The following CTNND2 variants were observed in gnomAD, a reference collection of about 807,000 sequenced individuals.
The protein encoded by CTNND2 is catenin delta 2, also known as catenin delta-2.
In CTNND2, 22 loss-of-function variants were observed where a neutral mutation model predicts 144.4. The observed-to-expected ratio is 0.15, with a 90% CI of 0.11 to 0.22. CTNND2 has a LOEUF of 0.22. Among genes scored for constraint, CTNND2 ranks in the 10% least tolerant of loss-of-function variants. The pLI is 1.00. For synonymous variants in CTNND2, 751 were observed against 695.6 expected (o/e 1.08, Z -1.25); for missense variants, 1,353 against 1,618.8 (o/e 0.84, Z 2.82).
At chr5:11,459,816 C>T (rs1766039892) in intron 3 of CTNND2, among the ~76,000 whole-genome samples, 1 of 152,124 alleles carries the variant, frequency 6.6e-6, no homozygotes, top group Non-Finnish European at 1.5e-5. Flanking sequence ...TTTTATGATT[C>T]TATAAGTACA....
intron 2 of CTNND2, among the ~76,000 whole-genome samples, chr5:11,583,138 A>G (rs1778569616): frequency 6.6e-6 from 1 of 152,238 alleles, no homozygotes; most frequent in Non-Finnish European, 1.5e-5. Flanking sequence ...GGATGGGCGT[A>G]GCCTCTATGC....
chr5:11,556,677 C>G (rs1237133994), intron 3 of CTNND2, among the ~76,000 whole-genome samples: 1 of 152,032 alleles, frequency 6.6e-6, no homozygotes, highest in African/African-American at 2.4e-5. Flanking sequence ...AAGAGAATGG[C>G]CTTTGATAGT....
At chr5:11,194,711 C>T (rs1183582782) in intron 11 of CTNND2, among the ~76,000 whole-genome samples, 1 of 151,996 alleles carries the variant, frequency 6.6e-6, no homozygotes, top group Non-Finnish European at 1.5e-5. Context: ...AAAAGAAAAG[C>T]TGACAATGAA....
At chr5:11,809,906 G>A (rs1182855996) in intron 1 of CTNND2, among the ~76,000 whole-genome samples, 1 of 152,146 alleles carries the variant, frequency 6.6e-6, no homozygotes, top group Admixed American at 6.6e-5. Context: ...TGGAAGAGCA[G>A]AACTTAAGAA....
chr5:11,163,236 C>A (rs1580459267), intron 11 of CTNND2, among the ~76,000 whole-genome samples: 1 of 152,312 alleles, frequency 6.6e-6, no homozygotes, highest in East Asian at 1.9e-4. Context: ...TCCAAACCCT[C>A]TCTCAGATTG....
chr5:11,477,381 A>ATTT (rs34661817), intron 3 of CTNND2, among the ~76,000 whole-genome samples: 64 of 146,732 alleles, frequency 4.4e-4, no homozygotes, highest in Admixed American at 2.4e-3. Flanking sequence ...CACATCACCT[A>ATTT]TTTTTTTTTT....
At chr5:11,334,286 T>C (rs969612223) in intron 9 of CTNND2, among the ~76,000 whole-genome samples, 2 of 152,198 alleles carry the variant, frequency 1.3e-5, no homozygotes, top group African/African-American at 2.4e-5. Context: ...GTACTATATA[T>C]GTATAGAAAC....
At position 11,901,530 on chromosome 5, in the gene CTNND2, T is replaced by C. The variant is rs73743318; in HGVS notation, c.37+2287A>G. Among the ~76,000 whole-genome samples, 396 of 152,348 alleles carry C rather than the reference T, an allele frequency of 2.6e-3. 1 individual carries two copies. Among genetic ancestry groups the C allele is most frequent in the African/African-American group, 9.2e-3 (382 of 41,586 alleles). ...GTGAAAGATGTAAAGTGGATAGAAA[T>C]ACTGTAATTTGACAGTGTATGACTT... On this transcript the variant is annotated intron_variant, in intron 1 of 21. Transcript: ENST00000304623.
chr5:11,889,105 T>C lies in CTNND2; in HGVS notation c.37+14712A>G, dbSNP rs542229015. 3.9e-5 allele frequency among the ~76,000 whole-genome samples: 6 copies of C among 152,208 alleles called. No homozygotes were observed. In the South Asian group the frequency reaches 1.2e-3, roughly 32 times the overall value. ...CACGGCATGTACCAACCTTGGTAAA[T>C]AATCAGATGAAGGCCCCTTTTCCTT... On this transcript the variant is annotated intron_variant, in intron 1 of 21. Transcript: ENST00000304623.
intron 16 of CTNND2, among the ~76,000 whole-genome samples, chr5:11,025,481 A>C (rs1476179700): frequency 2.0e-5 from 3 of 152,234 alleles, no homozygotes; most frequent in African/African-American, 7.2e-5. Flanking sequence ...TATGTTTATA[A>C]CAGTAGTTCA....
At chr5:11,507,921 C>G (rs898148027) in intron 3 of CTNND2, among the ~76,000 whole-genome samples, 27 of 151,924 alleles carry the variant, frequency 1.8e-4, no homozygotes, top group Non-Finnish European at 1.5e-4. Context: ...GTTGAATGGG[C>G]TGAACTCCAG....
At chr5:11,083,225 G>A (rs1199802241) in intron 15 of CTNND2, among the ~76,000 whole-genome samples, 1 of 152,208 alleles carries the variant, frequency 6.6e-6, no homozygotes, top group African/African-American at 2.4e-5. Flanking sequence ...TGAAAAAGTA[G>A]AAAATGAGAA....
At chr5:11,694,033 T>C (rs1433879396) in intron 2 of CTNND2, among the ~76,000 whole-genome samples, 1 of 152,212 alleles carries the variant, frequency 6.6e-6, no homozygotes, top group South Asian at 2.1e-4. Flanking sequence ...ATTGAACACA[T>C]ATATTTTCTC....
At position 10,977,479 on chromosome 5, in the gene CTNND2, G is replaced by C. The variant is rs376061862; in HGVS notation, c.3418-3766C>G. Among the ~76,000 whole-genome samples the C allele has an allele frequency of 2.3e-4, 35 of 151,792 alleles. No homozygotes were observed. The East Asian group carries it at 6.6e-3, about 29-fold the overall frequency. ...AGTCTTTTTTTTTTTTTGAGACAGG[G>C]TCTCGCTTTGTCACTCAGGCTGGAG... On this transcript the variant is annotated intron_variant, in intron 21 of 21. Coordinates refer to ENST00000304623, the MANE Select transcript of CTNND2 (RefSeq NM_001332.4).
chr5:11,603,812 C>T (rs936739870), intron 2 of CTNND2, among the ~76,000 whole-genome samples: 11 of 152,236 alleles, frequency 7.2e-5, no homozygotes, highest in Admixed American at 2.0e-4. Flanking sequence ...TGAAGGGCAA[C>T]GACAGATGTG....
chr5:11,610,251 T>C (rs1204328960), intron 2 of CTNND2, among the ~76,000 whole-genome samples: 2 of 152,290 alleles, frequency 1.3e-5, no homozygotes, highest in East Asian at 3.9e-4. Context: ...GTGCCTTCTC[T>C]TGGCCGGTAT....
Position 11,742,019 on chromosome 5 carries a change from T to A in CTNND2, c.38-9747A>T, listed in dbSNP as rs376540916. Among the ~76,000 whole-genome samples, 3 of 150,708 alleles carry A rather than the reference T, an allele frequency of 2.0e-5. No homozygotes were observed. In the East Asian group the frequency reaches 5.9e-4, roughly 30 times the overall value. ...AAGCTATGAGGACACAAAGGCATAATAATAATACAATGGACTTTGGGGACT... is the reference window on the plus strand; with the variant it reads ...AAGCTATGAGGACACAAAGGCATAAAAATAATACAATGGACTTTGGGGACT... On this transcript the variant is annotated intron_variant, in intron 1 of 21. Coordinates refer to ENST00000304623, the MANE Select transcript of CTNND2 (RefSeq NM_001332.4).
intron 1 of CTNND2, among the ~76,000 whole-genome samples, chr5:11,881,360 A>C (rs550192952): frequency 2.6e-5 from 4 of 152,040 alleles, no homozygotes. Context: ...ACTGTGTTAC[A>C]GAACACTAGA....
In CTNND2 at chr5:11,082,740, G is replaced by T; in HGVS notation, c.2744C>A (p.Ala915Glu). 6.2e-7 allele frequency: 1 copy of T among 1,614,146 alleles called. No homozygotes were observed. Among genetic ancestry groups the T allele is most frequent in the Non-Finnish European group, 8.5e-7 (1 of 1,180,036 alleles). Residue 915 changes from alanine (A) to glutamate (E), a missense_variant, in exon 16 of 22, where the codon GCG becomes GAG. Transcript: ENST00000304623. ...NDRVVCAVAT[A>E]LRNMALDVRN... ...GACGTCCAAGGCCATGTTCCGCAGC[G>T]CAGTGGCCACCGCGCACACCACACG...
Sources: gnomAD v4.1 joint callset for allele counts (sites outside exome capture counted in the v4.1 genomes callset) on GRCh38, gnomAD v4.1.1 for gene constraint, MANE v1.5 for transcripts, NCBI Gene and HGNC (gene_info 2026-07-23, HGNC 2026-07-21) for gene names.